ZNF600: variants seen among roughly 807,000 people sequenced by gnomAD.
ZNF600 encodes zinc finger protein KR-ZNF1.
In ZNF600, 4 loss-of-function variants were observed where a neutral mutation model predicts 7.3. The observed-to-expected ratio is 0.55, with a 90% CI of 0.27 to 1.25. ZNF600 has a LOEUF of 1.25. Ranked by LOEUF, ZNF600 falls within the 50% of genes most tolerant of loss-of-function variation. The pLI, the probability that ZNF600 is intolerant of heterozygous loss-of-function variation, is 0.12. For synonymous variants in ZNF600, 290 were observed against 308.9 expected (o/e 0.94, Z 0.64); for missense variants, 911 against 922.1 (o/e 0.99, Z 0.16).
exon 4 of ZNF600, chr19:52,767,066 T>C (rs373356233): frequency 3.2e-4 from 518 of 1,613,884 alleles, no homozygotes; most frequent in Non-Finnish European, 4.2e-4. Context: ...TAAGGGATGA[T>C]ACCTGACTGA....
the ZNF600 span, among the ~76,000 whole-genome samples, chr19:52,813,535 C>T: frequency 7.1e-6 from 1 of 141,202 alleles, no homozygotes; most frequent in African/African-American, 2.9e-5. Context: ...CCAGACTGTT[C>T]GGCTTGTCAC....
rs1442323755 is a variant in ZNF600 at position 52,766,262 on chromosome 19, G to C, written c.1701C>G (p.Tyr567Ter). The stretch of plus-strand genomic sequence containing the variant: ...AGGTCTTGCTGCACTCATTACACTT[G>C]TAAGGTTTCTCTCCACTATGAATTC... The change falls in exon 4 of 4, where the codon TAC becomes TAG. Residue 567 changes from tyrosine (Y) to a stop codon, truncating the protein, a stop_gained. Coordinates refer to ENST00000648973, the Ensembl canonical transcript of ZNF600. LOFTEE classifies it low-confidence loss of function (END_TRUNC). The C allele has an allele frequency of 6.2e-7, 1 of 1,614,022 alleles. No individual in the cohort carries two copies. The highest frequency in any genetic ancestry group is 1.3e-5 in the African/African-American group (1 of 74,886).
chr19:52,782,715 T>G (rs1479498737), intron 1 of ZNF600, among the ~76,000 whole-genome samples: 1 of 151,780 alleles, frequency 6.6e-6, no homozygotes, highest in East Asian at 1.9e-4. Context: ...CTACTAAAAA[T>G]ACAAAAATCG....
chr19:52,783,421 G>A (rs1250966562), intron 1 of ZNF600, among the ~76,000 whole-genome samples: 1 of 152,122 alleles, frequency 6.6e-6, no homozygotes, highest in Non-Finnish European at 1.5e-5. Flanking sequence ...GAGGGCAGTG[G>A]CGCGATCTCG....
At chr19:52,766,519 G>A (rs746102980) in exon 4 of ZNF600, 1 of 1,613,900 alleles carries the variant, frequency 6.2e-7, no homozygotes, top group South Asian at 1.1e-5. Context: ...CACTTGTAAG[G>A]TTTTCCTCCA....
intron 1 of ZNF600, among the ~76,000 whole-genome samples, chr19:52,784,116 T>G (rs963039657): frequency 6.6e-6 from 1 of 152,106 alleles, no homozygotes; most frequent in African/African-American, 2.4e-5. Context: ...AGGCCCGGCA[T>G]GGCGGCTCAT....
chr19:52,823,678 T>C, the ZNF600 span, among the ~76,000 whole-genome samples: 1 of 152,210 alleles, frequency 6.6e-6, no homozygotes, highest in Non-Finnish European at 1.5e-5. Context: ...CTATCGCCCT[T>C]GTAGTTTGCC....
At chr19:52,798,562 G>C in the ZNF600 span, 4 of 500,240 alleles carry the variant, frequency 8.0e-6, no homozygotes, top group Non-Finnish European at 1.6e-5. Flanking sequence ...CTATTGAGGT[G>C]TGAATGTGAA....
the ZNF600 span, chr19:52,798,528 T>G: frequency 7.4e-5 from 38 of 511,470 alleles, no homozygotes; most frequent in Middle Eastern, 9.6e-4. Context: ...GTAAGATTTC[T>G]GTCCAGCATG....
the ZNF600 span, among the ~76,000 whole-genome samples, chr19:52,813,445 G>A: frequency 1.7e-5 from 2 of 120,654 alleles, no homozygotes; most frequent in South Asian, 3.2e-4. Context: ...GCCCCACTTC[G>A]CCCCCGTAGG....
chr19:52,818,056 A>G, the ZNF600 span: 22 of 1,574,436 alleles, frequency 1.4e-5, no homozygotes, highest in African/African-American at 3.0e-4. Context: ...TATGTTGTTT[A>G]TTGCTCAGAA....
chr19:52,813,249 G>GAAAAAAAAGAAA, the ZNF600 span, among the ~76,000 whole-genome samples: 1 of 62,984 alleles, frequency 1.6e-5, no homozygotes, highest in Non-Finnish European at 2.8e-5. Context: ...CTTGAATGGT[G>GAAAAAAAAGAAA]AAAAAAAAAA....
upstream of ZNF600, among the ~76,000 whole-genome samples, chr19:52,790,755 C>T (rs1361287797): frequency 6.9e-6 from 1 of 144,614 alleles, no homozygotes; most frequent in Non-Finnish European, 1.5e-5. Flanking sequence ...GGCACAATCT[C>T]GGCTTACTGT....
chr19:52,765,550 T>TTAC, exon 4 of ZNF600: 2 of 1,613,368 alleles, frequency 1.2e-6, no homozygotes, highest in Non-Finnish European at 1.7e-6. Flanking sequence ...TTTGCAATGG[T>TTAC]TGTAGCGTTA....
intron 1 of ZNF600, chr19:52,780,655 G>A (rs2062713068): frequency 6.6e-6 from 1 of 152,040 alleles, no homozygotes; most frequent in Non-Finnish European, 1.5e-5. Flanking sequence ...TTGATCCCAG[G>A]AGTCAGAGGT....
the ZNF600 span, among the ~76,000 whole-genome samples, chr19:52,794,473 C>CT: frequency 6.6e-6 from 1 of 152,116 alleles, no homozygotes; most frequent in Admixed American, 6.6e-5. Context: ...TCCTGAGAAG[C>CT]TCCGAGTTGA....
the ZNF600 span, chr19:52,810,035 G>A: frequency 4.1e-6 from 3 of 739,880 alleles, no homozygotes; most frequent in Non-Finnish European, 7.3e-6. Context: ...AAGAGGAGCC[G>A]CTCCAGCCCC....
the ZNF600 span, among the ~76,000 whole-genome samples, chr19:52,822,676 T>C: frequency 3.9e-5 from 6 of 152,192 alleles, no homozygotes; most frequent in Admixed American, 3.3e-4. Flanking sequence ...TAGTTCATCC[T>C]GGCTGTACTT....
intron 1 of ZNF600, among the ~76,000 whole-genome samples, chr19:52,779,781 G>A (rs531086543): frequency 1.3e-5 from 2 of 152,222 alleles, no homozygotes; most frequent in East Asian, 3.9e-4. Context: ...CAGTGGCTCA[G>A]GACTGTAATC....
Sources: allele counts gnomAD v4.1 joint callset (sites outside exome capture counted in the v4.1 genomes callset), GRCh38; gene constraint gnomAD v4.1.1; transcripts MANE v1.5; gene names NCBI Gene and HGNC (gene_info 2026-07-23, HGNC 2026-07-21).